Variants in RBFOX1 observed in about 807,000 individuals in gnomAD.
RBFOX1 encodes RNA binding protein fox-1 homolog 1.
Under a neutral mutation model 57.7 loss-of-function variants are expected in RBFOX1, and 8 were observed. The ratio of observed to expected loss-of-function variants is 0.14; its 90% CI spans 0.08 to 0.25. The LOEUF (loss-of-function observed/expected upper bound fraction) is 0.25, where lower values mean the gene tolerates loss of function less well. Among genes scored for constraint, RBFOX1 ranks in the 10% least tolerant of loss-of-function variants. The probability of loss-of-function intolerance (pLI) is 1.00; values close to 1 mark genes in which losing one functional copy is unlikely to be tolerated. For synonymous variants in RBFOX1, 326 were observed against 222.4 expected (o/e 1.47, Z -4.15); for missense variants, 611 against 548.5 (o/e 1.11, Z -1.14).
rs145251930 is a variant in RBFOX1 at position 7,696,896 on chromosome 16, T to C, written c.996-12160T>C. On this transcript the variant is annotated intron_variant, in intron 14 of 15. Transcript: ENST00000550418. ...ACATACAGCAGGTGCAGAGACCCTG[T>C]GGTTGAGACATACTTGAGGTGTCCA... Among the ~76,000 whole-genome samples, 907 of 152,164 alleles carry C rather than the reference T, an allele frequency of 6.0e-3. 9 individuals are homozygous for C. The highest frequency in any genetic ancestry group is 0.02 in the African/African-American group (847 of 41,496).
At chr16:5,944,965 A>T (rs915976007) in intron 4 of RBFOX1, among the ~76,000 whole-genome samples, 2 of 66,782 alleles carry the variant, frequency 3.0e-5, no homozygotes, top group African/African-American at 2.3e-4. Flanking sequence ...ACTCTGTCAT[A>T]AAAAAAAAAA....
At chr16:7,358,433 T>A (rs1012358204) in intron 4 of RBFOX1, among the ~76,000 whole-genome samples, 1 of 152,334 alleles carries the variant, frequency 6.6e-6, no homozygotes. Flanking sequence ...TTTTTTGTTT[T>A]TTTTTGAGGT....
At chr16:5,587,142 T>C (rs909269590) in intron 2 of RBFOX1, among the ~76,000 whole-genome samples, 6 of 152,174 alleles carry the variant, frequency 3.9e-5, no homozygotes, top group African/African-American at 1.4e-4. Context: ...GATAAGACAC[T>C]GTTCAAAAGT....
chr16:5,998,471 A>G (rs745594643), intron 4 of RBFOX1, among the ~76,000 whole-genome samples: 42 of 152,252 alleles, frequency 2.8e-4, no homozygotes, highest in Non-Finnish European at 2.5e-4. Context: ...GTTTAGAACT[A>G]GAAGAGGCTT....
chr16:7,612,780 A>G (rs2057764024), intron 10 of RBFOX1, among the ~76,000 whole-genome samples: 1 of 152,202 alleles, frequency 6.6e-6, no homozygotes, highest in South Asian at 2.1e-4. Context: ...GTCAAATGGT[A>G]AATTTATCTG....
At chr16:6,442,489 G>A (rs1405625242) in intron 2 of RBFOX1, among the ~76,000 whole-genome samples, 2 of 151,902 alleles carry the variant, frequency 1.3e-5, no homozygotes, top group African/African-American at 2.4e-5. Context: ...CCTGGGAAGC[G>A]GAGGTTGCAG....
At chr16:6,937,914 T>C (rs2077647934) in intron 3 of RBFOX1, among the ~76,000 whole-genome samples, 1 of 142,436 alleles carries the variant, frequency 7.0e-6, no homozygotes, top group African/African-American at 2.6e-5. Context: ...CCTATCATGG[T>C]CTGAATCAGT....
intron 1 of RBFOX1, among the ~76,000 whole-genome samples, chr16:5,437,123 T>C (rs532700031): frequency 1.3e-5 from 2 of 152,256 alleles, no homozygotes; most frequent in African/African-American, 2.4e-5. Context: ...CTTTTATAAA[T>C]TGTAGTAAGA....
At chr16:6,238,478 C>T (rs1490667053) in intron 1 of RBFOX1, among the ~76,000 whole-genome samples, 3 of 152,126 alleles carry the variant, frequency 2.0e-5, no homozygotes, top group Non-Finnish European at 1.5e-5. Context: ...GACAAAATAA[C>T]AGATTTTATG....
chr16:6,364,564 C>T (rs768449644), intron 2 of RBFOX1, among the ~76,000 whole-genome samples: 3 of 152,122 alleles, frequency 2.0e-5, no homozygotes, highest in Non-Finnish European at 4.4e-5. Context: ...AACACATGTG[C>T]GTGTGTGCAG....
intron 3 of RBFOX1, among the ~76,000 whole-genome samples, chr16:6,895,578 C>A (rs934595472): frequency 6.7e-6 from 1 of 149,406 alleles, no homozygotes; most frequent in African/African-American, 2.5e-5. Flanking sequence ...GATCTATGTT[C>A]AGAAAATTTT....
At chr16:7,207,840 A>G (rs1010757656) in intron 4 of RBFOX1, among the ~76,000 whole-genome samples, 35 of 152,296 alleles carry the variant, frequency 2.3e-4, no homozygotes, top group African/African-American at 8.2e-4. Context: ...ACCAGAGAAT[A>G]TCTTACCTTT....
chr16:5,823,770 C>A (rs1455380447), intron 3 of RBFOX1, among the ~76,000 whole-genome samples: 1 of 152,182 alleles, frequency 6.6e-6, no homozygotes, highest in Non-Finnish European at 1.5e-5. Flanking sequence ...TCACTGTCTC[C>A]CATCACCCCC....
At chr16:7,110,575 G>A (rs567037696) in intron 4 of RBFOX1, among the ~76,000 whole-genome samples, 1 of 152,266 alleles carries the variant, frequency 6.6e-6, no homozygotes, top group South Asian at 2.1e-4. Context: ...TAATAGCTAG[G>A]AGGGATCTCT....
At chr16:6,442,882 A>G (rs1380787246) in intron 2 of RBFOX1, among the ~76,000 whole-genome samples, 4 of 152,200 alleles carry the variant, frequency 2.6e-5, no homozygotes, top group Non-Finnish European at 4.4e-5. Context: ...GTTTGGTGCA[A>G]AAATGATTGT....
At chr16:7,353,048 G>A (rs1441392933) in intron 4 of RBFOX1, among the ~76,000 whole-genome samples, 1 of 152,076 alleles carries the variant, frequency 6.6e-6, no homozygotes, top group Non-Finnish European at 1.5e-5. Context: ...TCAGGTTACA[G>A]GTTTGTGCAT....
chr16:7,704,503 A>G (rs1423903697), intron 14 of RBFOX1, among the ~76,000 whole-genome samples: 1 of 152,102 alleles, frequency 6.6e-6, no homozygotes, highest in Non-Finnish European at 1.5e-5. Flanking sequence ...ATGGGATCAT[A>G]ATTACAGGCA....
intron 3 of RBFOX1, among the ~76,000 whole-genome samples, chr16:6,875,366 T>C (rs886081717): frequency 6.6e-6 from 1 of 152,186 alleles, no homozygotes; most frequent in African/African-American, 2.4e-5. Context: ...TGACCTCTCC[T>C]GTCCAATATG....
At chr16:7,252,666 T>A (rs548488284) in intron 4 of RBFOX1, among the ~76,000 whole-genome samples, 30 of 152,248 alleles carry the variant, frequency 2.0e-4, no homozygotes, top group African/African-American at 5.8e-4. Context: ...CAGCTACTTG[T>A]CCTAGACGTA....
Sources: allele counts gnomAD v4.1 joint callset (sites outside exome capture counted in the v4.1 genomes callset), GRCh38; gene constraint gnomAD v4.1.1; transcripts MANE v1.5; gene names NCBI Gene and HGNC (gene_info 2026-07-23, HGNC 2026-07-21).